TNKS: variants seen among roughly 807,000 people sequenced by gnomAD.
TNKS encodes the protein tankyrase.
In TNKS, 72 loss-of-function variants were observed where a neutral mutation model predicts 135.8. The observed-to-expected ratio is 0.53, with a 90% confidence interval of 0.44 to 0.64. The LOEUF (loss-of-function observed/expected upper bound fraction) is 0.64. Among genes scored for constraint, TNKS ranks in the 30% least tolerant of loss-of-function variants. The pLI, the probability that TNKS is intolerant of heterozygous loss-of-function variation, is 0.00. For synonymous variants in TNKS, 849 were observed against 649.3 expected (o/e 1.31, Z -4.68); for missense variants, 1,769 against 1,674.0 (o/e 1.06, Z -0.99).
chr8:9,751,522 A>G (rs1216697457), intron 18 of TNKS, 87 bp from the exon 19 acceptor site: 2 of 1,276,600 alleles, frequency 1.6e-6, no homozygotes, highest in Admixed American at 2.1e-5. Context: ...TAAGGAAAAA[A>G]TCCACAAAGT....
chr8:9,656,786 TC>T (rs1422124750), intron 3 of TNKS, among the ~76,000 whole-genome samples: 3 of 150,418 alleles, frequency 2.0e-5, no homozygotes, highest in Non-Finnish European at 4.4e-5. Flanking sequence ...AGTGTTTGTG[TC>T]CCTGGGTACT....
At chr8:9,666,051 C>T (rs2128790374) in intron 3 of TNKS, among the ~76,000 whole-genome samples, 1 of 152,276 alleles carries the variant, frequency 6.6e-6, no homozygotes, top group South Asian at 2.1e-4. Context: ...GGAGAATCCT[C>T]ATCTTACTCA....
At chr8:9,756,714 T>C (rs993658162) in intron 20 of TNKS, among the ~76,000 whole-genome samples, 1 of 152,194 alleles carries the variant, frequency 6.6e-6, no homozygotes, top group Non-Finnish European at 1.5e-5. Flanking sequence ...AGCTACAGAA[T>C]TTTGGAATAA....
intron 3 of TNKS, among the ~76,000 whole-genome samples, chr8:9,659,464 A>G (rs1801588498): frequency 6.6e-6 from 1 of 152,234 alleles, no homozygotes; most frequent in South Asian, 2.1e-4. Context: ...TGGAAACTGA[A>G]CAACCTGCTC....
At chr8:9,660,456 C>G (rs1801640332) in intron 3 of TNKS, among the ~76,000 whole-genome samples, 1 of 152,140 alleles carries the variant, frequency 6.6e-6, no homozygotes, top group Non-Finnish European at 1.5e-5. Flanking sequence ...TAAACGTAAT[C>G]CAGCATGTAA....
chr8:9,687,719 C>A (rs1363285311), intron 5 of TNKS, among the ~76,000 whole-genome samples: 1 of 152,182 alleles, frequency 6.6e-6, no homozygotes, highest in Admixed American at 6.6e-5. Flanking sequence ...AATTGTCCTG[C>A]CTTCCTATCC....
intron 2 of TNKS, among the ~76,000 whole-genome samples, chr8:9,585,726 G>A (rs1798352363): frequency 6.6e-6 from 1 of 152,166 alleles, no homozygotes; most frequent in Non-Finnish European, 1.5e-5. Context: ...CAAAGCTCCT[G>A]CAACTTTCTT....
chr8:9,740,700 A>G lies in TNKS; in HGVS notation c.2643+5214A>G, dbSNP rs538485109. On this transcript the variant is annotated intron_variant, in intron 17 of 26. Transcript: ENST00000310430. ...AGTAGTCTTTTATTAAAATTCGTAGAAATTTTAACCTTCCTTCACATAAGG... is the reference window on the plus strand; with the variant it reads ...AGTAGTCTTTTATTAAAATTCGTAGGAATTTTAACCTTCCTTCACATAAGG... Among the ~76,000 whole-genome samples the G allele has an allele frequency of 2.6e-5, 4 of 152,122 alleles. No individual in the cohort carries two copies. In the East Asian group the frequency reaches 7.7e-4, roughly 29 times the overall value.
rs779256477 is a variant in TNKS, at chr8:9,556,195, G to A, written c.256G>A (p.Gly86Ser). 6 of 1,613,518 alleles carry A rather than the reference G, an allele frequency of 3.7e-6. No individual in the cohort carries two copies. Among genetic ancestry groups the A allele is most frequent in the South Asian group, 3.3e-5 (3 of 91,084 alleles). Reference sequence around the variant, plus strand: ...GCCCCGATCCCCGGACCCGGTTGACGGTACCAGCTGTTGCAGTACCACCAG... The same window carrying A: ...GCCCCGATCCCCGGACCCGGTTGACAGTACCAGCTGTTGCAGTACCACCAG... ...DRPRSPDPVD[G>S]TSCCSTTSTI... The change falls in exon 1 of 27, where the codon GGT (glycine) becomes AGT (serine). Residue 86 changes from glycine (G) to serine (S), a missense_variant. Physicochemically the swap from Gly to Ser is moderately conservative, Grantham distance 56. Around this residue, in one of 5 missense-constraint regions of TNKS, gnomAD observed 450 missense variants for 304.9 expected, o/e 1.48. Coordinates refer to ENST00000310430, the MANE Select transcript of TNKS (RefSeq NM_003747.3).
Position 9,704,756 on chromosome 8 carries a change from G to C in TNKS, c.1201G>C (p.Gly401Arg), listed in dbSNP as rs1165009202. The part of the protein sequence containing the change: ...HGADVHAKDK[G>R]GLVPLHNACS... The stretch of plus-strand genomic sequence containing the variant: ...TGCTGATGTTCATGCAAAAGACAAA[G>C]GGTAGGTCTATCAGTTTACTTCCTG... Residue 401 changes from glycine (G) to arginine (R), a missense_variant and splice_region_variant, in exon 6 of 27, where the codon GGT becomes CGT. This residue lies in a region of TNKS where 523 missense variants were observed against 541.0 expected (regional missense o/e 0.97). Coordinates refer to ENST00000310430, the MANE Select transcript of TNKS (RefSeq NM_003747.3). 2 of 1,611,884 alleles carry C rather than the reference G, an allele frequency of 1.2e-6. No homozygotes were observed. Among genetic ancestry groups the C allele is most frequent in the East Asian group, 2.2e-5 (1 of 44,826 alleles).
At chr8:9,708,620 T>C (rs1173211706) in intron 9 of TNKS, 128 bp downstream of exon 9, 2 of 1,044,580 alleles carry the variant, frequency 1.9e-6, no homozygotes, top group South Asian at 2.9e-5. Flanking sequence ...ATGTTAATTT[T>C]GGTTGCATTG....
At chr8:9,625,210 A>G (rs751431765) in intron 3 of TNKS, among the ~76,000 whole-genome samples, 4 of 151,964 alleles carry the variant, frequency 2.6e-5, no homozygotes, top group Non-Finnish European at 4.4e-5. Context: ...TTGTGCATAG[A>G]GTTGTTTTTA....
At chr8:9,559,299 T>C (rs1350100869) in intron 1 of TNKS, among the ~76,000 whole-genome samples, 1 of 152,192 alleles carries the variant, frequency 6.6e-6, no homozygotes, top group Non-Finnish European at 1.5e-5. Flanking sequence ...AGGAAGTCTT[T>C]GTAGGTAGAT....
chr8:9,612,098 A>T (rs1563116300), intron 2 of TNKS, among the ~76,000 whole-genome samples: 1 of 152,178 alleles, frequency 6.6e-6, no homozygotes, highest in Non-Finnish European at 1.5e-5. Context: ...CACCTTATCA[A>T]GTTTAGCCCC....
intron 5 of TNKS, among the ~76,000 whole-genome samples, chr8:9,685,572 C>G (rs1223749048): frequency 6.6e-6 from 1 of 152,140 alleles, no homozygotes; most frequent in Non-Finnish European, 1.5e-5. Flanking sequence ...TCCTTATTGT[C>G]CAAGCTCTGT....
chr8:9,658,387 G>C, intron 3 of TNKS: 9 of 1,316,856 alleles, frequency 6.8e-6, no homozygotes, highest in South Asian at 3.1e-5. Context: ...GACTGAGACA[G>C]CTCCGCTGCC....
intron 3 of TNKS, among the ~76,000 whole-genome samples, chr8:9,673,771 G>T (rs531070978): frequency 6.6e-6 from 1 of 152,034 alleles, no homozygotes; most frequent in African/African-American, 2.4e-5. Flanking sequence ...CTGCTATGCA[G>T]GGGTCGGGGG....
chr8:9,699,022 T>A (rs967305939), intron 5 of TNKS, among the ~76,000 whole-genome samples: 4 of 152,236 alleles, frequency 2.6e-5, no homozygotes, highest in African/African-American at 9.6e-5. Context: ...CATGTTTGTC[T>A]TTTAAAATGA....
chr8:9,639,015 A>C (rs929153579), intron 3 of TNKS, among the ~76,000 whole-genome samples: 2 of 152,142 alleles, frequency 1.3e-5, no homozygotes, highest in African/African-American at 4.8e-5. Context: ...TTCCCTCAAA[A>C]CAAATTATTG....
Sources: gnomAD v4.1 joint callset for allele counts (sites outside exome capture counted in the v4.1 genomes callset) on GRCh38, gnomAD v4.1.1 for gene constraint, gnomAD v4.1.1 regional missense constraint, MANE v1.5 for transcripts, NCBI Gene and HGNC (gene_info 2026-07-23, HGNC 2026-07-21) for gene names.